The following SLC9A9 variants were observed in gnomAD, a reference collection of about 807,000 sequenced individuals.
SLC9A9 encodes solute carrier family 9 member A9.
A neutral mutation model predicts 77.8 loss-of-function variants in SLC9A9; 62 were observed. That is an observed-to-expected ratio of 0.80 (90% confidence interval 0.65 to 0.98). The LOEUF (loss-of-function observed/expected upper bound fraction) is 0.98, where lower values mean the gene tolerates loss of function less well. Among genes scored for constraint, SLC9A9 ranks in the 50% least tolerant of loss-of-function variants. The pLI, the probability that SLC9A9 is intolerant of heterozygous loss-of-function variation, is 0.00. For missense variants in SLC9A9, 775 were observed against 774.9 expected (o/e 1.00, Z 0.00); for synonymous variants, 320 against 283.5 (o/e 1.13, Z -1.29).
chr3:143,476,337 G>A (rs1229793795), intron 11 of SLC9A9, among the ~76,000 whole-genome samples: 1 of 152,198 alleles, frequency 6.6e-6, no homozygotes, highest in Admixed American at 6.5e-5. Flanking sequence ...CTCTCTTCCT[G>A]AATTTGAATC....
chr3:143,804,664 CA>C (rs2008662301), intron 2 of SLC9A9, among the ~76,000 whole-genome samples: 1 of 152,274 alleles, frequency 6.6e-6, no homozygotes, highest in Admixed American at 6.5e-5. Context: ...TCCCAAAATT[CA>C]ATTTGCAAAT....
chr3:143,717,169 A>G (rs1047177677), intron 4 of SLC9A9, among the ~76,000 whole-genome samples: 32 of 152,224 alleles, frequency 2.1e-4, no homozygotes, highest in African/African-American at 7.7e-4. Flanking sequence ...TGATGTGCAT[A>G]TCAATCATTT....
At chr3:143,581,283 G>A (rs2037447569) in intron 6 of SLC9A9, among the ~76,000 whole-genome samples, 1 of 152,178 alleles carries the variant, frequency 6.6e-6, no homozygotes, top group Non-Finnish European at 1.5e-5. Context: ...GTGGGCACGT[G>A]TGGTGGGGTA....
intron 12 of SLC9A9, among the ~76,000 whole-genome samples, chr3:143,431,829 T>G (rs1182043173): frequency 6.6e-6 from 1 of 152,046 alleles, no homozygotes; most frequent in Non-Finnish European, 1.5e-5. Context: ...CTCTCCTACA[T>G]GCTCACCCTT....
At chr3:143,363,647 T>G (rs2032817599) in intron 13 of SLC9A9, 84 bp from the exon 14 acceptor site, 2 of 1,238,336 alleles carry the variant, frequency 1.6e-6, no homozygotes, top group East Asian at 2.6e-5. Flanking sequence ...CAAGTTAAAT[T>G]TAACTACATT....
chr3:143,633,585 G>A (rs2038464262), intron 6 of SLC9A9, among the ~76,000 whole-genome samples: 1 of 152,014 alleles, frequency 6.6e-6, no homozygotes, highest in Admixed American at 6.6e-5. Flanking sequence ...ATGATACAGT[G>A]TATAAATATC....
intron 2 of SLC9A9, among the ~76,000 whole-genome samples, chr3:143,824,536 C>T (rs1204950419): frequency 6.6e-6 from 1 of 152,170 alleles, no homozygotes; most frequent in African/African-American, 2.4e-5. Context: ...GCACTTGCCT[C>T]CACTTGGCTC....
At chr3:143,322,669 A>T (rs991440593) in intron 14 of SLC9A9, among the ~76,000 whole-genome samples, 1 of 152,126 alleles carries the variant, frequency 6.6e-6, no homozygotes, top group African/African-American at 2.4e-5. Flanking sequence ...GGTTCTTGGC[A>T]TTTTTTTGTG....
chr3:143,301,913 T>C (rs1041543064), intron 14 of SLC9A9, among the ~76,000 whole-genome samples: 1 of 152,146 alleles, frequency 6.6e-6, no homozygotes, highest in African/African-American at 2.4e-5. Flanking sequence ...GTGGAGGTGT[T>C]TTTTATGAAA....
chr3:143,298,970 A>C (rs1333426014), intron 14 of SLC9A9, among the ~76,000 whole-genome samples: 2 of 152,128 alleles, frequency 1.3e-5, no homozygotes, highest in Admixed American at 1.3e-4. Context: ...TAGTTTCCTC[A>C]CTTCTCAGAG....
At chr3:143,458,498 CCT>C (rs1286458200) in intron 12 of SLC9A9, among the ~76,000 whole-genome samples, 2 of 151,706 alleles carry the variant, frequency 1.3e-5, no homozygotes, top group Non-Finnish European at 2.9e-5. Flanking sequence ...CTATTTTTCC[CCT>C]CTGTTTTCGT....
At chr3:143,718,014 C>T (rs1033398174) in intron 4 of SLC9A9, among the ~76,000 whole-genome samples, 7 of 150,522 alleles carry the variant, frequency 4.7e-5, no homozygotes, top group African/African-American at 1.7e-4. Context: ...TGTTCAACAA[C>T]AACTGAAGAA....
intron 12 of SLC9A9, among the ~76,000 whole-genome samples, chr3:143,421,096 T>G (rs1385322143): frequency 2.6e-5 from 4 of 151,910 alleles, no homozygotes; most frequent in South Asian, 2.1e-4. Flanking sequence ...AGGTGAGAGA[T>G]CTCTACAAGA....
chr3:143,398,045 C>T (rs2033769222), intron 12 of SLC9A9, among the ~76,000 whole-genome samples: 1 of 152,056 alleles, frequency 6.6e-6, no homozygotes, highest in African/African-American at 2.4e-5. Flanking sequence ...TGGATAGGTA[C>T]CTACAACACA....
chr3:143,797,562 C>T lies in SLC9A9; in HGVS notation c.379-659G>A, dbSNP rs528940637. Among the ~76,000 whole-genome samples, 19 of 152,086 alleles carry T rather than the reference C, an allele frequency of 1.2e-4. 1 individual carries two copies. In the South Asian group the frequency reaches 3.7e-3, roughly 30 times the overall value. ...TGAAAATGGCCGGTTCCTGCCTTAA[C>T]TGATGACATTCCACCACAAAAGAAG... On this transcript the variant is annotated intron_variant, in intron 2 of 15. Coordinates refer to ENST00000316549, the MANE Select transcript of SLC9A9 (RefSeq NM_173653.4).
rs1201366509 is a variant in SLC9A9, at chr3:143,449,797, AT to A, written c.1469+17239del. ...TATATATTTATATATAATTATATAT[AT>A]TTTATATATATAATTATATATTTAC... On this transcript the variant is annotated intron_variant, in intron 12 of 15. Coordinates refer to ENST00000316549, the MANE Select transcript of SLC9A9 (RefSeq NM_173653.4). Among the ~76,000 whole-genome samples the A allele has an allele frequency of 2.6e-5, 2 of 77,462 alleles. 1 individual carries two copies. Among genetic ancestry groups the A allele is most frequent in the Non-Finnish European group, 4.2e-5 (2 of 47,424 alleles). 50.8% of individuals were successfully genotyped at this position (77,462 alleles called of 152,430 possible).
chr3:143,279,932 C>A (rs1421616736), intron 14 of SLC9A9, among the ~76,000 whole-genome samples: 1 of 152,140 alleles, frequency 6.6e-6, no homozygotes, highest in Non-Finnish European at 1.5e-5. Flanking sequence ...CAATCCTCCC[C>A]CCTCAGCCTC....
intron 8 of SLC9A9, among the ~76,000 whole-genome samples, chr3:143,553,234 A>G (rs2036923199): frequency 6.6e-6 from 1 of 152,150 alleles, no homozygotes; most frequent in South Asian, 2.1e-4. Flanking sequence ...GAGACAGAGG[A>G]AGAGCGACCA....
chr3:143,285,622 G>A (rs1291162007), intron 14 of SLC9A9, among the ~76,000 whole-genome samples: 2 of 152,168 alleles, frequency 1.3e-5, no homozygotes, highest in African/African-American at 4.8e-5. Flanking sequence ...CCACTTCTCT[G>A]CATTCTCTGA....
Sources: gnomAD v4.1 joint callset for allele counts (sites outside exome capture counted in the v4.1 genomes callset) on GRCh38, gnomAD v4.1.1 for gene constraint, MANE v1.5 for transcripts, NCBI Gene and HGNC (gene_info 2026-07-23, HGNC 2026-07-21) for gene names.